MDN1: variants seen among roughly 807,000 people sequenced by gnomAD.
MDN1 encodes the protein midasin.
A neutral mutation model predicts 669.2 loss-of-function variants in MDN1; 266 were observed. The ratio of observed to expected loss-of-function variants is 0.40; its 90% CI spans 0.36 to 0.44. The LOEUF (loss-of-function observed/expected upper bound fraction) is 0.44, where lower values mean the gene tolerates loss of function less well. Among genes scored for constraint, MDN1 ranks in the 20% least tolerant of loss-of-function variants. The pLI, the probability that MDN1 is intolerant of heterozygous loss-of-function variation, is 1.00. For missense variants in MDN1, 5,940 were observed against 6,754.0 expected, an observed-to-expected ratio of 0.88 and a Z score of 4.22; for synonymous variants, 2,385 against 2,457.1, an observed-to-expected ratio of 0.97 and a Z score of 0.87.
Position 89,722,962 on chromosome 6 carries a change from T to C in MDN1, c.5960A>G (p.Lys1987Arg). ...ACCAAGCGTGAAACTCACCTTTTTT[T>C]TGTCCTCTTCGGTTCTCATTCTTTC... Reference protein sequence around the residue: ...YGERMRTEEDKKKVIAVFKDV... With the variant: ...YGERMRTEEDRKKVIAVFKDV... Residue 1987 changes from lysine to arginine, a missense_variant, in exon 40 of 102, where the codon AAA (lysine) becomes AGA (arginine). By Grantham distance (26) the Lys-to-Arg change is conservative. Around this residue, in one of 5 missense-constraint regions of MDN1, gnomAD observed 2,292 missense variants for 2,638.3 expected, o/e 0.87. Transcript: ENST00000369393. 1 of 1,607,344 alleles carries C rather than the reference T, an allele frequency of 6.2e-7. No individual in the cohort carries two copies. The highest frequency in any genetic ancestry group is 8.5e-7 in the Non-Finnish European group (1 of 1,177,264).
chr6:89,803,299 G>C, intron 2 of MDN1, 29 bp downstream of exon 2: 1 of 1,591,124 alleles, frequency 6.3e-7, no homozygotes, highest in Non-Finnish European at 8.6e-7. Flanking sequence ...ACCTCAAGGA[G>C]AAATGCGAAT....
Position 89,656,778 on chromosome 6 carries a change from A to G in MDN1, c.15207T>C (p.Asp5069=), listed in dbSNP as rs1396004019. The change falls in exon 91 of 102, where the codon GAT becomes GAC. Residue 5069 remains aspartate (D), a synonymous_variant. Coordinates refer to ENST00000369393, the MANE Select transcript of MDN1 (RefSeq NM_014611.3). ...ATTCATGGCCTTCTGCCTGGTTTGC[A>G]TCTGCAGCTCCACTTCCGTGTTCCT... ...GKEEHGSGAA[D]ANQAEGHESN... 2 of 1,613,664 alleles carry G rather than the reference A, an allele frequency of 1.2e-6. No individual in the cohort carries two copies. Among genetic ancestry groups the G allele is most frequent in the African/African-American group, 2.7e-5 (2 of 75,000 alleles).
chr6:89,700,598 G>GA, intron 56 of MDN1, 48 bp downstream of exon 56: 1 of 1,569,370 alleles, frequency 6.4e-7, no homozygotes, highest in Non-Finnish European at 8.8e-7. Flanking sequence ...CCAGCAAGAG[G>GA]ATATTTTCAG....
At chr6:89,662,006 C>T in intron 87 of MDN1, 81 bp downstream of exon 87, 1 of 1,497,732 alleles carries the variant, frequency 6.7e-7, no homozygotes, top group Non-Finnish European at 8.9e-7. Flanking sequence ...GAAAAAATAT[C>T]TTGAGACACC....
chr6:89,771,666 A>G, intron 14 of MDN1, 45 bp from the exon 15 acceptor site: 1 of 1,496,216 alleles, frequency 6.7e-7, no homozygotes, highest in Non-Finnish European at 9.3e-7. Flanking sequence ...AAATTTAAAG[A>G]CCGATAATAT....
At chr6:89,710,893 C>G (rs1365261042) in intron 49 of MDN1, 99 bp from the exon 50 acceptor site, 1 of 671,308 alleles carries the variant, frequency 1.5e-6, no homozygotes, top group Non-Finnish European at 2.5e-6. Flanking sequence ...ATAGAATAAC[C>G]ACTAGTCACA....
At chr6:89,812,767 C>T (rs56401039) in intron 1 of MDN1, among the ~76,000 whole-genome samples, 14,078 of 152,068 alleles carry the variant, frequency 0.093, 846 homozygotes, top group Non-Finnish European at 0.13. Flanking sequence ...TGTGTATTTT[C>T]AGCTAAAGAG....
intron 88 of MDN1, among the ~76,000 whole-genome samples, chr6:89,660,910 C>G (rs1809704507): frequency 6.6e-6 from 1 of 152,202 alleles, no homozygotes; most frequent in African/African-American, 2.4e-5. Flanking sequence ...CCAGATAACA[C>G]TCCCTAAAGG....
At chr6:89,762,928 C>T (rs1817628727) in intron 15 of MDN1, among the ~76,000 whole-genome samples, 1 of 152,020 alleles carries the variant, frequency 6.6e-6, no homozygotes, top group African/African-American at 2.4e-5. Context: ...CAGTAGCACA[C>T]ACCTGCAGTC....
Position 89,703,519 on chromosome 6 carries a change from C to T in MDN1, c.8149-1458G>A, listed in dbSNP as rs1813311230. Among the ~76,000 whole-genome samples, 3 of 152,068 alleles carry T rather than the reference C, an allele frequency of 2.0e-5. No homozygotes were observed. In the South Asian group the frequency reaches 6.2e-4, roughly 32 times the overall value. ...TGGCTCTTTGAATAATGCATTTTCACAGTAACATTGTTTCTAGATTAGTGA... is the reference window on the plus strand; with the variant it reads ...TGGCTCTTTGAATAATGCATTTTCATAGTAACATTGTTTCTAGATTAGTGA... On this transcript the variant is annotated intron_variant, in intron 53 of 101. Transcript: ENST00000369393.
At position 89,790,281 on chromosome 6, in the gene MDN1, A is replaced by G; in HGVS notation, c.976T>C (p.Leu326=). ...AMAVASQNAV[L]LEGPIGCGKT... ...CCACATCCTATTGGTCCTTCCAACA[A>G]CACAGCATTCTGAGAAGCAACCGCC... Residue 326 remains leucine (L), a synonymous_variant, in exon 6 of 102, where the codon TTG becomes CTG. Transcript: ENST00000369393. 1 of 1,614,168 alleles carries G rather than the reference A, an allele frequency of 6.2e-7. No individual in the cohort carries two copies.
chr6:89,694,288 G>A, intron 61 of MDN1, 105 bp from the exon 62 acceptor site: 1 of 912,902 alleles, frequency 1.1e-6, no homozygotes, highest in Non-Finnish European at 1.8e-6. Context: ...AGGAATCTGG[G>A]TTCCTGAATG....
chr6:89,683,147 T>C lies in MDN1; in HGVS notation c.12087A>G (p.Gln4029=), dbSNP rs370468524. ...AACCAAGTACCTGCCCAGCTGCTGGTTGGGCTAACAGGGTCTCCCTCAGTG... is the reference window on the plus strand; with the variant it reads ...AACCAAGTACCTGCCCAGCTGCTGGCTGGGCTAACAGGGTCTCCCTCAGTG... ...NRALRETLLA[Q]PAAGQATIPE... Residue 4029 remains glutamine (Q), a synonymous_variant, in exon 73 of 102, where the codon CAA becomes CAG. Coordinates refer to ENST00000369393, the MANE Select transcript of MDN1 (RefSeq NM_014611.3). 3.1e-5 allele frequency: 50 copies of C among 1,613,974 alleles called. No individual in the cohort carries two copies. The highest frequency in any genetic ancestry group is 3.9e-5 in the Non-Finnish European group (46 of 1,180,016).
intron 53 of MDN1, among the ~76,000 whole-genome samples, chr6:89,705,565 G>A (rs1319173761): frequency 6.6e-6 from 1 of 152,126 alleles, no homozygotes; most frequent in East Asian, 1.9e-4. Context: ...CAGCAATAAA[G>A]AGGAATGAAC....
intron 83 of MDN1, among the ~76,000 whole-genome samples, chr6:89,670,168 ATATTTT>A (rs1339507789): frequency 4.6e-5 from 1 of 21,638 alleles, no homozygotes; most frequent in Non-Finnish European, 6.4e-5. Flanking sequence ...ATATATATAT[ATATTTT>A]TTTTTTTTTT....
intron 2 of MDN1, among the ~76,000 whole-genome samples, chr6:89,802,514 C>T (rs924046260): frequency 3.7e-4 from 56 of 152,166 alleles, no homozygotes; most frequent in African/African-American, 1.3e-3. Context: ...GAAACCCCGT[C>T]TCTACTAAAA....
At chr6:89,676,493 C>T (rs1038782202) in intron 76 of MDN1, among the ~76,000 whole-genome samples, 1 of 152,084 alleles carries the variant, frequency 6.6e-6, no homozygotes. Flanking sequence ...CCTACAGGGG[C>T]CAGGCAAATA....
chr6:89,812,643 G>A (rs1768511999), intron 1 of MDN1, among the ~76,000 whole-genome samples: 2 of 142,938 alleles, frequency 1.4e-5, no homozygotes, highest in South Asian at 4.2e-4. Flanking sequence ...TCAAAGCAGA[G>A]TTAATTAAAA....
intron 40 of MDN1, 79 bp from the exon 41 acceptor site, chr6:89,719,304 A>G: frequency 8.9e-7 from 1 of 1,124,382 alleles, no homozygotes; most frequent in Non-Finnish European, 1.3e-6. Context: ...AAACAAGCAC[A>G]GTGATAAGAG....
Sources: gnomAD v4.1 joint callset for allele counts (sites outside exome capture counted in the v4.1 genomes callset) on GRCh38, gnomAD v4.1.1 for gene constraint, gnomAD v4.1.1 regional missense constraint, MANE v1.5 for transcripts, NCBI Gene and HGNC (gene_info 2026-07-23, HGNC 2026-07-21) for gene names.